The following TTLL11 variants were observed in gnomAD, a reference collection of about 807,000 sequenced individuals.
The protein encoded by TTLL11 is tubulin tyrosine ligase like 11.
In TTLL11, 42 loss-of-function variants were observed where a neutral mutation model predicts 51.7. The observed-to-expected ratio is 0.81, with a 90% CI of 0.64 to 1.05. The LOEUF is 1.05. TTLL11 is among the 50% of genes least tolerant of loss of function. The pLI, the probability that TTLL11 is intolerant of heterozygous loss-of-function variation, is 0.00. For missense variants in TTLL11, 799 were observed against 940.4 expected, an observed-to-expected ratio of 0.85 and a Z score of 1.97; for synonymous variants, 381 against 383.5, an observed-to-expected ratio of 0.99 and a Z score of 0.08.
intron 6 of TTLL11, among the ~76,000 whole-genome samples, chr9:121,878,542 C>T (rs1433969473): frequency 1.3e-5 from 2 of 152,124 alleles, no homozygotes; most frequent in East Asian, 3.9e-4. Context: ...GCTGCAGGCG[C>T]ATTTTCCTGC....
intron 1 of TTLL11, among the ~76,000 whole-genome samples, chr9:122,060,703 C>T (rs1210717699): frequency 1.3e-5 from 2 of 152,326 alleles, no homozygotes; most frequent in East Asian, 3.9e-4. Context: ...TTCTGGGTAT[C>T]CTCATCTGTA....
intron 6 of TTLL11, among the ~76,000 whole-genome samples, chr9:121,926,962 C>T (rs1256090247): frequency 6.6e-6 from 1 of 152,162 alleles, no homozygotes; most frequent in Admixed American, 6.5e-5. Flanking sequence ...GAGAGCCTCG[C>T]ACGGTGGAAA....
At chr9:121,845,534 C>G (rs10217463) in intron 8 of TTLL11, among the ~76,000 whole-genome samples, 19,849 of 152,052 alleles carry the variant, frequency 0.13, 2,520 homozygotes, top group African/African-American at 0.33. Context: ...TTTAATTGAT[C>G]TAATAGATAA....
chr9:121,964,492 T>G (rs1404716199), intron 6 of TTLL11, among the ~76,000 whole-genome samples: 1 of 152,020 alleles, frequency 6.6e-6, no homozygotes, highest in African/African-American at 2.4e-5. Context: ...GAGATGGGGT[T>G]TTACCAAGTT....
At chr9:122,039,886 TCACA>T (rs1003923196) in intron 1 of TTLL11, among the ~76,000 whole-genome samples, 1 of 147,788 alleles carries the variant, frequency 6.8e-6, no homozygotes, top group East Asian at 2.0e-4. Context: ...TCTCTCTCTC[TCACA>T]CACACACACA....
At position 121,893,271 on chromosome 9, in the gene TTLL11, C is replaced by T. The variant is rs1033315809; in HGVS notation, c.1482-22523G>A. Among the ~76,000 whole-genome samples, 5 of 152,156 alleles carry T rather than the reference C, an allele frequency of 3.3e-5. No individual in the cohort carries two copies. The East Asian group carries it at 5.8e-4, about 18-fold the overall frequency. The stretch of plus-strand genomic sequence containing the variant: ...CACAGTTTATTCCATTACGTACCTA[C>T]GACCATTGTTAACATGTTGGTGTTT... On this transcript the variant is annotated intron_variant, in intron 6 of 8. Coordinates refer to ENST00000321582, the MANE Select transcript of TTLL11 (RefSeq NM_001139442.2).
chr9:122,051,574 C>A (rs1845159437), intron 1 of TTLL11, among the ~76,000 whole-genome samples: 1 of 152,126 alleles, frequency 6.6e-6, no homozygotes, highest in Non-Finnish European at 1.5e-5. Flanking sequence ...AGCTGCTGAC[C>A]ACAACAAAAC....
In TTLL11 at chr9:122,073,905, T is replaced by A. The variant is rs536191340; in HGVS notation, c.462+18782A>T. ...CTCTTAGCAGCCCACAGTGGACTCA[T>A]CAGCTACGTCTGCTTCCCCCAGCAC... On this transcript the variant is annotated intron_variant, in intron 1 of 8. Coordinates refer to ENST00000321582, the MANE Select transcript of TTLL11 (RefSeq NM_001139442.2). Among the ~76,000 whole-genome samples, 10 of 152,330 alleles carry A rather than the reference T, an allele frequency of 6.6e-5. 1 individual carries two copies. In the South Asian group the frequency reaches 2.1e-3, roughly 32 times the overall value.
At chr9:121,938,911 A>G (rs1841340099) in intron 6 of TTLL11, among the ~76,000 whole-genome samples, 1 of 152,194 alleles carries the variant, frequency 6.6e-6, no homozygotes, top group Admixed American at 6.5e-5. Context: ...TTTAACAGCT[A>G]TTTATTGAGT....
rs545590999 is a variant in TTLL11, at chr9:121,947,792, C to T, written c.1481+26217G>A. ...AGAGAGACTAACAGAAGTTACTTACCCCCCAGGATCTCCAGTACCCCCGCG... is the reference window on the plus strand; with the variant it reads ...AGAGAGACTAACAGAAGTTACTTACTCCCCAGGATCTCCAGTACCCCCGCG... On this transcript the variant is annotated intron_variant, in intron 6 of 8. Coordinates refer to ENST00000321582, the MANE Select transcript of TTLL11 (RefSeq NM_001139442.2). Among the ~76,000 whole-genome samples the T allele has an allele frequency of 3.3e-5, 5 of 152,218 alleles. No individual in the cohort carries two copies. In the South Asian group the frequency reaches 1.0e-3, roughly 32 times the overall value.
At chr9:121,906,711 G>A (rs1839961826) in intron 6 of TTLL11, among the ~76,000 whole-genome samples, 2 of 152,236 alleles carry the variant, frequency 1.3e-5, no homozygotes, top group Middle Eastern at 3.4e-3. Context: ...CCAGCCCAGA[G>A]GGTGTACATG....
At chr9:121,877,738 G>A (rs1838623264) in intron 6 of TTLL11, among the ~76,000 whole-genome samples, 1 of 152,200 alleles carries the variant, frequency 6.6e-6, no homozygotes, top group African/African-American at 2.4e-5. Flanking sequence ...TATGAAGCAG[G>A]TGTTATTATT....
chr9:121,874,295 G>A (rs1197828496), intron 6 of TTLL11, among the ~76,000 whole-genome samples: 4 of 152,236 alleles, frequency 2.6e-5, no homozygotes, highest in African/African-American at 4.8e-5. Flanking sequence ...CTCTGCACCC[G>A]ACCCACCACC....
At chr9:121,874,416 T>C (rs769642634) in intron 6 of TTLL11, among the ~76,000 whole-genome samples, 1 of 152,238 alleles carries the variant, frequency 6.6e-6, no homozygotes, top group Non-Finnish European at 1.5e-5. Context: ...TAAGTCATGC[T>C]CTTTGTAGAC....
intron 6 of TTLL11, among the ~76,000 whole-genome samples, chr9:121,878,690 C>T (rs1241746350): frequency 1.3e-5 from 2 of 152,230 alleles, no homozygotes; most frequent in African/African-American, 2.4e-5. Flanking sequence ...TCTCATTTTA[C>T]GGATGAAGGA....
intron 6 of TTLL11, among the ~76,000 whole-genome samples, chr9:121,930,278 G>C (rs1307604586): frequency 6.6e-6 from 1 of 152,156 alleles, no homozygotes; most frequent in Non-Finnish European, 1.5e-5. Flanking sequence ...GGTAAAACAT[G>C]CAGTATCAGT....
intron 1 of TTLL11, among the ~76,000 whole-genome samples, chr9:122,063,071 G>A (rs1005854429): frequency 1.2e-4 from 19 of 152,030 alleles, no homozygotes; most frequent in Non-Finnish European, 2.6e-4. Context: ...TTGGGCCACC[G>A]CACCTGGCCT....
At chr9:121,910,111 G>T (rs1025976714) in intron 6 of TTLL11, among the ~76,000 whole-genome samples, 2 of 152,202 alleles carry the variant, frequency 1.3e-5, no homozygotes, top group African/African-American at 4.8e-5. Flanking sequence ...TAACTAATTT[G>T]CTCACACGAT....
At chr9:121,914,562 C>G (rs1840253469) in intron 6 of TTLL11, among the ~76,000 whole-genome samples, 1 of 152,212 alleles carries the variant, frequency 6.6e-6, no homozygotes, top group South Asian at 2.1e-4. Context: ...GTAAAAGAGA[C>G]AGTGCTGCCC....
Sources: allele counts gnomAD v4.1 joint callset (sites outside exome capture counted in the v4.1 genomes callset), GRCh38; gene constraint gnomAD v4.1.1; transcripts MANE v1.5; gene names NCBI Gene and HGNC (gene_info 2026-07-23, HGNC 2026-07-21).